The following VARS2 variants were observed in gnomAD, a reference collection of about 807,000 sequenced individuals.
VARS2 encodes valine--tRNA ligase, mitochondrial.
A neutral mutation model predicts 154.1 loss-of-function variants in VARS2; 105 were observed. That is an observed-to-expected ratio of 0.68 (90% CI 0.58 to 0.80). The LOEUF (loss-of-function observed/expected upper bound fraction) is 0.80, where lower values mean the gene tolerates loss of function less well. Ranked by LOEUF, VARS2 falls within the 30% of genes least tolerant of loss-of-function variation. The pLI is 0.00. For missense variants in VARS2, 1,157 were observed against 1,361.4 expected (o/e 0.85, Z 2.36); for synonymous variants, 483 against 539.5 (o/e 0.90, Z 1.45).
intron 19 of VARS2, 38 bp downstream of exon 19, chr6:30,922,033 G>T: frequency 6.2e-7 from 1 of 1,612,924 alleles, no homozygotes; most frequent in Non-Finnish European, 8.5e-7. Context: ...AAGGGGAAAC[G>T]ATAAGGAAGG....
At chr6:30,914,532 A>G in intron 1 of VARS2, 188 bp downstream of exon 1, 1 of 1,341,348 alleles carries the variant, frequency 7.5e-7, no homozygotes, top group South Asian at 2.0e-5. Flanking sequence ...GATGCCCATC[A>G]TCTCCCTGAG....
chr6:30,915,599 T>TC, intron 4 of VARS2, 144 bp downstream of exon 4: 4 of 1,459,520 alleles, frequency 2.7e-6, no homozygotes, highest in Non-Finnish European at 2.8e-6. Context: ...CTTGGCAGGT[T>TC]CCCCCTGGCC....
chr6:30,922,169 CCTT>C lies in VARS2; in HGVS notation c.1863_1865del (p.Leu623del). 1.2e-6 allele frequency: 2 copies of C among 1,612,820 alleles called. No homozygotes were observed. The highest frequency in any genetic ancestry group is 2.2e-5 in the South Asian group (2 of 91,074). ...TGTCACTTTTGGAAACGGGCAGCGA[CCTT>C]CTGCTGTTCTGGGTGGGCCGCATGG... On this transcript the variant is annotated inframe_deletion, in exon 20 of 30. Coordinates refer to ENST00000676266, the MANE Select transcript of VARS2 (RefSeq NM_020442.6).
Position 30,920,287 on chromosome 6 carries a change from T to A in VARS2, c.1294-46T>A. The A allele has an allele frequency of 6.4e-7, 1 of 1,574,720 alleles. No homozygotes were observed. Among genetic ancestry groups the A allele is most frequent in the South Asian group, 1.2e-5 (1 of 84,154 alleles). On this transcript the variant is annotated intron_variant, in intron 13 of 29. Coordinates refer to ENST00000676266, the MANE Select transcript of VARS2 (RefSeq NM_020442.6). This position sits in a 1 kb window ranked among gnomAD's most constrained non-coding sequence, Gnocchi z 4.6. ...CCCTAATCCTCCTCCTAGTTTCTTA[T>A]TTCTCTAGAGGCCTTCAGTCTTTAC...
At position 30,916,512 on chromosome 6, in the gene VARS2, C is replaced by A; in HGVS notation, c.671+263C>A. ...TATATATATATTTTCTTTCTCTTTA[C>A]TTACCCCAATTTCTCTTGTCTAAAT... is the stretch of plus-strand genomic sequence containing the variant. On this transcript the variant is annotated intron_variant, in intron 7 of 29. Transcript: ENST00000676266. This position sits in a 1 kb window ranked among gnomAD's most constrained non-coding sequence, Gnocchi z 4.0. 3.1e-6 allele frequency: 1 copy of A among 317,640 alleles called. No individual in the cohort carries two copies. Among genetic ancestry groups the A allele is most frequent in the Non-Finnish European group, 5.5e-6 (1 of 183,164 alleles). The allele number at this position is 317,640 out of a possible 1,614,324, so 19.7% of individuals were successfully genotyped here.
chr6:30,920,017 G>GTGATGGGGCGGTGCAGA lies in VARS2; in HGVS notation c.1166-67_1166-66insGGGCGGTGCAGATGATG. The GTGATGGGGCGGTGCAGA allele has an allele frequency of 2.0e-6, 3 of 1,508,236 alleles. No individual in the cohort carries two copies. The highest frequency in any genetic ancestry group is 2.3e-4 in the Middle Eastern group (1 of 4,318). 93.4% of individuals were successfully genotyped at this position (1,508,236 alleles called of 1,614,324 possible). On this transcript the variant is annotated intron_variant, in intron 12 of 29. Transcript: ENST00000676266. This position sits in a 1 kb window ranked among gnomAD's most constrained non-coding sequence, Gnocchi z 4.6. ...AGTCGCAGGGGCTGGGGCGGTGCAGGTGATGATGATACATCTGGAAAAGCA... is the reference window on the plus strand; with the variant it reads ...AGTCGCAGGGGCTGGGGCGGTGCAGGTGATGGGGCGGTGCAGATGATGATGATACATCTGGAAAAGCA...
Position 30,921,512 on chromosome 6 carries a change from G to A in VARS2, c.1633-77G>A. ...ACCTGGCCACTCTAAGACCACATGA[G>A]GACGTGAAAACCAAGTGACATTTAC... On this transcript the variant is annotated intron_variant, in intron 17 of 29. Transcript: ENST00000676266. The surrounding 1 kb of genome is among the most constrained non-coding windows in gnomAD (Gnocchi z 4.6). The A allele has an allele frequency of 1.3e-6, 2 of 1,520,450 alleles. No homozygotes were observed. The highest frequency in any genetic ancestry group is 1.2e-5 in the South Asian group (1 of 83,828). 94.2% of individuals were successfully genotyped at this position (1,520,450 alleles called of 1,614,324 possible). A position where few individuals can be genotyped will look rare whatever the true frequency, so the allele number is the denominator to read the frequency against.
chr6:30,915,081 A>G (rs1442867025), intron 2 of VARS2, 44 bp downstream of exon 2: 2 of 1,610,760 alleles, frequency 1.2e-6, no homozygotes, highest in Non-Finnish European at 1.7e-6. Context: ...GAGACTTGAG[A>G]GGGGCTGGAG....
Position 30,921,470 on chromosome 6 carries a change from A to G in VARS2, c.1633-119A>G, listed in dbSNP as rs575096459. Reference sequence around the variant, plus strand: ...AGGCTCCCTGAAGTGGCATTTCTTTATCTCACCCCTGGGGGAACCTGGCCA... The same window carrying G: ...AGGCTCCCTGAAGTGGCATTTCTTTGTCTCACCCCTGGGGGAACCTGGCCA... On this transcript the variant is annotated intron_variant, in intron 17 of 29. Coordinates refer to ENST00000676266, the MANE Select transcript of VARS2 (RefSeq NM_020442.6). This position sits in a 1 kb window ranked among gnomAD's most constrained non-coding sequence, Gnocchi z 4.6. 1.6e-5 allele frequency: 23 copies of G among 1,429,974 alleles called. No homozygotes were observed. The highest frequency in any genetic ancestry group is 1.7e-4 in the Middle Eastern group (1 of 5,756). 88.6% of individuals were successfully genotyped at this position (1,429,974 alleles called of 1,614,324 possible). A position where few individuals can be genotyped will look rare whatever the true frequency, so the allele number is the denominator to read the frequency against.
chr6:30,923,588 TTAA>T, intron 25 of VARS2, 83 bp downstream of exon 25: 1 of 1,535,306 alleles, frequency 6.5e-7, no homozygotes, highest in African/African-American at 1.4e-5. Flanking sequence ...AGCTCTGGAG[TTAA>T]TAAGTTCCCA....
chr6:30,918,721 A>G, intron 10 of VARS2, 106 bp from the exon 11 acceptor site: 1 of 926,950 alleles, frequency 1.1e-6, no homozygotes, highest in Non-Finnish European at 1.7e-6. Context: ...TTCCACCTTG[A>G]CTACTCCCTG....
Position 30,924,514 on chromosome 6 carries a change from CT to C in VARS2, c.2628del (p.Ala877ProfsTer37). ...QRLPPRPGCPPAPSISVAPYP... is the reference protein window; with the variant it reads ...QRLPPRPGCPXAPSISVAPYP... The stretch of plus-strand genomic sequence containing the variant: ...CTGCCCCCCAGGCCTGGTTGCCCCC[CT>C]GCCCCCAGCATCTCGGTTGCCCCCT... On this transcript the variant is annotated frameshift_variant, in exon 26 of 30. Coordinates refer to ENST00000676266, the MANE Select transcript of VARS2 (RefSeq NM_020442.6). LOFTEE classifies it high-confidence loss of function. 1 of 1,588,242 alleles carries C rather than the reference CT, an allele frequency of 6.3e-7. No homozygotes were observed. Among genetic ancestry groups the C allele is most frequent in the Non-Finnish European group, 8.6e-7 (1 of 1,163,410 alleles).
In VARS2 at chr6:30,915,835, C is replaced by T. The variant is rs1794123991; in HGVS notation, c.474C>T (p.Leu158=). The T allele has an allele frequency of 6.2e-7, 1 of 1,614,042 alleles. No individual in the cohort carries two copies. The highest frequency in any genetic ancestry group is 1.1e-5 in the South Asian group (1 of 91,088). ...GCTCCCTGCACATTGGCCACGCACT[C>T]ACGGTGGCCATACAGGATGCCCTCG... ...VTGSLHIGHA[L]TVAIQDALVR... Residue 158 remains leucine (L), a synonymous_variant, in exon 5 of 30, where the codon CTC becomes CTT. Transcript: ENST00000676266.
rs536485925 is a variant in VARS2, at chr6:30,921,073, G to T, written c.1488G>T (p.Glu496Asp). 9 of 1,612,652 alleles carry T rather than the reference G, an allele frequency of 5.6e-6. No homozygotes were observed. The African/African-American group carries it at 8.0e-5, about 14-fold the overall frequency. ...GTCCCCTTTCTCTCCAGGCTGTGGAGTCGGGGGCCCTGGAGCTCAGTCCCT... is the reference window on the plus strand; with the variant it reads ...GTCCCCTTTCTCTCCAGGCTGTGGATTCGGGGGCCCTGGAGCTCAGTCCCT... The part of the protein sequence containing the change: ...EMGARAAKAV[E>D]SGALELSPSF... Residue 496 changes from glutamate (E) to aspartate (D), a missense_variant, in exon 16 of 30, where the codon GAG becomes GAT. Glu to Asp is a conservative substitution (Grantham distance 45). Transcript: ENST00000676266. The surrounding 1 kb of genome is among the most constrained non-coding windows in gnomAD (Gnocchi z 4.6).
rs778691603 is a variant in VARS2, at chr6:30,921,301, C to A, written c.1628C>A (p.Ala543Glu). 6.2e-7 allele frequency: 1 copy of A among 1,614,106 alleles called. No homozygotes were observed. The change falls in exon 17 of 30, where the codon GCG (alanine) becomes GAG (glutamate). Residue 543 changes from alanine to glutamate, a missense_variant. Transcript: ENST00000676266. This position sits in a 1 kb window ranked among gnomAD's most constrained non-coding sequence, Gnocchi z 4.6. Reference sequence around the variant, plus strand: ...GCCTACCTGGTTGTAGAGGACCATGCGCAGGTGGGTAGGAAGAAGCACCCG... The same window carrying A: ...GCCTACCTGGTTGTAGAGGACCATGAGCAGGTGGGTAGGAAGAAGCACCCG... The part of the protein sequence containing the change: ...IPAYLVVEDH[A>E]QGEEDCWVVG...
Position 30,925,966 on chromosome 6 carries a change from G to A in VARS2, c.3048G>A (p.Arg1016=), listed in dbSNP as rs780764341. The A allele has an allele frequency of 3.7e-6, 6 of 1,613,126 alleles. No homozygotes were observed. Among genetic ancestry groups the A allele is most frequent in the Non-Finnish European group, 5.1e-6 (6 of 1,180,038 alleles). Residue 1016 remains arginine (R), a synonymous_variant, in exon 29 of 30, where the codon AGG becomes AGA. Transcript: ENST00000676266. ...AGCAGCTTGACAGCCTCACAGCCAG[G>A]ACCCCATCAGAAGGGGAGGCAGGGA... ...LQKQLDSLTA[R]TPSEGEAGTQ...
Position 30,914,334 on chromosome 6 carries a change from G to C in VARS2, c.-38G>C. On this transcript the variant is annotated 5_prime_UTR_variant, in exon 1 of 30. Transcript: ENST00000676266. Reference sequence around the variant, plus strand: ...CCGCGGGGCGCCCTGGGATAGCGGCGGGGCCTCCTGGTGAGCGCGCGCCGG... The same window carrying C: ...CCGCGGGGCGCCCTGGGATAGCGGCCGGGCCTCCTGGTGAGCGCGCGCCGG... 1 of 1,213,322 alleles carries C rather than the reference G, an allele frequency of 8.2e-7. No individual in the cohort carries two copies. The highest frequency in any genetic ancestry group is 1.6e-5 in the African/African-American group (1 of 63,992). 75.2% of individuals were successfully genotyped at this position (1,213,322 alleles called of 1,614,324 possible).
intron 23 of VARS2, 63 bp downstream of exon 23, chr6:30,923,039 G>T (rs1446551220): frequency 6.2e-7 from 1 of 1,607,012 alleles, no homozygotes; most frequent in Non-Finnish European, 8.5e-7. Context: ...CAGGGGCAGG[G>T]CAGGGGCAGG....
Position 30,918,911 on chromosome 6 carries a change from A to G in VARS2, c.1070A>G (p.Tyr357Cys). The G allele has an allele frequency of 6.2e-7, 1 of 1,612,778 alleles. No individual in the cohort carries two copies. Among genetic ancestry groups the G allele is most frequent in the Non-Finnish European group, 8.5e-7 (1 of 1,180,000 alleles). Residue 357 changes from tyrosine (Y) to cysteine (C), a missense_variant, in exon 11 of 30, where the codon TAC becomes TGC. Coordinates refer to ENST00000676266, the MANE Select transcript of VARS2 (RefSeq NM_020442.6). ...GCCGTTCATCCAGACGACTCGCGAT[A>G]CACAGTAATACCCAGTGCGCTCCTG... ...AVAVHPDDSR[Y>C]THLHGRQLRH...
Sources: gnomAD v4.1 joint callset for allele counts on GRCh38, gnomAD v4.1.1 for gene constraint, Gnocchi (gnomAD v3.1) non-coding constraint, MANE v1.5 for transcripts, NCBI Gene and HGNC (gene_info 2026-07-23, HGNC 2026-07-21) for gene names.